NKD1: variants seen among roughly 807,000 people sequenced by gnomAD.
NKD1 encodes protein naked cuticle homolog 1.
Under a neutral mutation model 56.0 loss-of-function variants are expected in NKD1, and 21 were observed. The observed-to-expected ratio is 0.38, with a 90% CI of 0.27 to 0.54. NKD1 has a LOEUF of 0.54. Among genes scored for constraint, NKD1 ranks in the 20% least tolerant of loss-of-function variants. NKD1 has a pLI of 0.82. For missense variants in NKD1, 578 were observed against 642.7 expected, an observed-to-expected ratio of 0.90 and a Z score of 1.09; for synonymous variants, 263 against 265.7, an observed-to-expected ratio of 0.99 and a Z score of 0.10.
chr16:50,620,758 A>G (rs940929775), intron 4 of NKD1, among the ~76,000 whole-genome samples: 4 of 152,190 alleles, frequency 2.6e-5, no homozygotes, highest in African/African-American at 7.2e-5. Flanking sequence ...GTCAAGGACA[A>G]TGATGCTACC....
intron 3 of NKD1, among the ~76,000 whole-genome samples, chr16:50,560,805 C>T (rs1645821311): frequency 6.7e-6 from 1 of 148,764 alleles, no homozygotes; most frequent in African/African-American, 2.5e-5. Flanking sequence ...ACACTTTACA[C>T]ACACCTATAC....
intron 5 of NKD1, among the ~76,000 whole-genome samples, chr16:50,624,517 G>A (rs1364163690): frequency 1.3e-5 from 2 of 152,226 alleles, no homozygotes; most frequent in African/African-American, 4.8e-5. Flanking sequence ...CCAAGCATGG[G>A]TGTAAAGGAC....
At position 50,548,534 on chromosome 16, in the gene NKD1, C is replaced by T. The variant is rs1254974879; in HGVS notation, c.-20C>T. ...CCGGGCGCATGGCTTAGGGACGCTC[C>T]CGGCCGCCGCAGCCCCAGCATGGGG... On this transcript the variant is annotated 5_prime_UTR_variant, in exon 1 of 10. Transcript: ENST00000268459. 4.8e-6 allele frequency: 7 copies of T among 1,463,624 alleles called. No individual in the cohort carries two copies. In the East Asian group the frequency reaches 1.2e-4, roughly 25 times the overall value. 90.7% of individuals were successfully genotyped at this position (1,463,624 alleles called of 1,614,324 possible).
chr16:50,574,226 A>T, intron 3 of NKD1: 1 of 985,306 alleles, frequency 1.0e-6, no homozygotes, highest in Non-Finnish European at 1.2e-6. Context: ...CTCTCCTGTC[A>T]AATGGGTATA....
At chr16:50,550,335 C>T (rs1047914850) in intron 3 of NKD1, among the ~76,000 whole-genome samples, 2 of 151,948 alleles carry the variant, frequency 1.3e-5, no homozygotes, top group African/African-American at 4.8e-5. Context: ...GATGAATCAA[C>T]TTTTTGATGT....
At chr16:50,584,558 A>G (rs1057424347) in intron 3 of NKD1, among the ~76,000 whole-genome samples, 1 of 152,156 alleles carries the variant, frequency 6.6e-6, no homozygotes, top group Non-Finnish European at 1.5e-5. Context: ...CAGTTTTCTC[A>G]TCTGTAAAAT....
intron 6 of NKD1, among the ~76,000 whole-genome samples, chr16:50,627,527 T>C (rs1962249730): frequency 6.6e-6 from 1 of 152,076 alleles, no homozygotes; most frequent in African/African-American, 2.4e-5. Context: ...GTCTGGTGTT[T>C]CCCTGGTCTA....
At chr16:50,573,663 C>T (rs1244959188) in intron 3 of NKD1, among the ~76,000 whole-genome samples, 1 of 152,214 alleles carries the variant, frequency 6.6e-6, no homozygotes, top group Non-Finnish European at 1.5e-5. Flanking sequence ...AGGAGGGTCG[C>T]ACCCTCTCTG....
intron 5 of NKD1, among the ~76,000 whole-genome samples, chr16:50,624,960 G>T (rs148639219): frequency 6.6e-6 from 1 of 152,150 alleles, no homozygotes; most frequent in African/African-American, 2.4e-5. Flanking sequence ...GAGAGAGGCT[G>T]TCATTTTCCA....
chr16:50,620,886 C>T (rs541645364), intron 4 of NKD1, among the ~76,000 whole-genome samples: 1 of 152,278 alleles, frequency 6.6e-6, no homozygotes, highest in Non-Finnish European at 1.5e-5. Flanking sequence ...AGGGGAGGAC[C>T]TGGGGTGAGC....
intron 3 of NKD1, among the ~76,000 whole-genome samples, chr16:50,605,797 T>C (rs1408714717): frequency 1.3e-5 from 2 of 152,220 alleles, no homozygotes; most frequent in Non-Finnish European, 2.9e-5. Context: ...GGAATGACTA[T>C]AAAGTGCCTA....
At chr16:50,597,370 G>T (rs1399031942) in intron 3 of NKD1, among the ~76,000 whole-genome samples, 1 of 152,092 alleles carries the variant, frequency 6.6e-6, no homozygotes, top group Non-Finnish European at 1.5e-5. Context: ...GAGCAACTTG[G>T]TGACATCAAA....
chr16:50,567,023 T>A (rs1247539933), intron 3 of NKD1, among the ~76,000 whole-genome samples: 2 of 150,218 alleles, frequency 1.3e-5, no homozygotes, highest in East Asian at 2.0e-4. Flanking sequence ...CCTTTTTTTT[T>A]AAGACTTAAT....
At chr16:50,561,238 T>C (rs1031010261) in intron 3 of NKD1, among the ~76,000 whole-genome samples, 1 of 152,020 alleles carries the variant, frequency 6.6e-6, no homozygotes, top group African/African-American at 2.4e-5. Context: ...CATGGCTCAG[T>C]CATCAGGGGT....
At chr16:50,630,791 C>G in intron 7 of NKD1, 35 bp from the exon 8 acceptor site, 1 of 1,545,006 alleles carries the variant, frequency 6.5e-7, no homozygotes, top group South Asian at 1.2e-5. Flanking sequence ...AGGCAGCTCA[C>G]CTGGTGTCTC....
At chr16:50,629,690 G>A (rs1241393088) in intron 6 of NKD1, among the ~76,000 whole-genome samples, 1 of 152,100 alleles carries the variant, frequency 6.6e-6, no homozygotes, top group Non-Finnish European at 1.5e-5. Context: ...CTTGGGACTG[G>A]GAGTTCAAGT....
At chr16:50,616,547 G>A (rs957967397) in intron 4 of NKD1, among the ~76,000 whole-genome samples, 6 of 152,216 alleles carry the variant, frequency 3.9e-5, no homozygotes, top group Non-Finnish European at 8.8e-5. Context: ...AGAATGTGCT[G>A]TAGTTCAGCA....
intron 3 of NKD1, chr16:50,557,133 C>T (rs974731846): frequency 3.9e-5 from 6 of 152,224 alleles, no homozygotes; most frequent in Admixed American, 3.3e-4. Context: ...GAGTGAAGGC[C>T]TTGATTTCAT....
At chr16:50,617,750 C>T (rs951428411) in intron 4 of NKD1, among the ~76,000 whole-genome samples, 2 of 152,194 alleles carry the variant, frequency 1.3e-5, no homozygotes, top group Admixed American at 1.3e-4. Flanking sequence ...CTTTCTTCCA[C>T]AGCCACTGTA....
Sources: allele counts gnomAD v4.1 joint callset (sites outside exome capture counted in the v4.1 genomes callset), GRCh38; gene constraint gnomAD v4.1.1; transcripts MANE v1.5; gene names NCBI Gene and HGNC (gene_info 2026-07-23, HGNC 2026-07-21).